Variants in KCND2 observed in about 807,000 individuals in gnomAD.
KCND2 encodes the protein A-type voltage-gated potassium channel KCND2.
A neutral mutation model predicts 54.4 loss-of-function variants in KCND2; 16 were observed. The ratio of observed to expected loss-of-function variants is 0.29; its 90% CI spans 0.20 to 0.45. The LOEUF is 0.45. KCND2 is among the 20% of genes least tolerant of loss of function. The pLI, the probability that KCND2 is intolerant of heterozygous loss-of-function variation, is 1.00. For synonymous variants in KCND2, 317 were observed against 310.7 expected (o/e 1.02, Z -0.21); for missense variants, 486 against 824.2 (o/e 0.59, Z 5.02).
At chr7:120,531,261 C>A (rs929971173) in intron 1 of KCND2, among the ~76,000 whole-genome samples, 4 of 152,052 alleles carry the variant, frequency 2.6e-5, no homozygotes, top group Non-Finnish European at 5.9e-5. Context: ...ATTTTTATAT[C>A]CCTTTAAAAA....
chr7:120,686,057 A>C (rs1792197181), intron 1 of KCND2, among the ~76,000 whole-genome samples: 1 of 152,202 alleles, frequency 6.6e-6, no homozygotes, highest in African/African-American at 2.4e-5. Context: ...AAAGAAAGGC[A>C]TTAATACTTA....
chr7:120,584,819 A>C (rs187738261), intron 1 of KCND2, among the ~76,000 whole-genome samples: 1 of 152,286 alleles, frequency 6.6e-6, no homozygotes, highest in East Asian at 1.9e-4. Flanking sequence ...TAAAGCAAAA[A>C]AAATCATAAA....
intron 1 of KCND2, among the ~76,000 whole-genome samples, chr7:120,461,648 T>A (rs1227361497): frequency 6.6e-6 from 1 of 152,184 alleles, no homozygotes; most frequent in Non-Finnish European, 1.5e-5. Flanking sequence ...CAGGGTTTTC[T>A]AAGAGGTTCA....
At chr7:120,712,004 A>G (rs1792544536) in intron 1 of KCND2, among the ~76,000 whole-genome samples, 1 of 152,048 alleles carries the variant, frequency 6.6e-6, no homozygotes, top group Non-Finnish European at 1.5e-5. Context: ...TTCATTCAAT[A>G]GTTGATGTCT....
At chr7:120,734,297 A>G (rs1222156297) in intron 2 of KCND2, among the ~76,000 whole-genome samples, 1 of 152,148 alleles carries the variant, frequency 6.6e-6, no homozygotes, top group Non-Finnish European at 1.5e-5. Flanking sequence ...CTATGCATAG[A>G]GAAACCTTTA....
intron 1 of KCND2, among the ~76,000 whole-genome samples, chr7:120,525,072 A>G (rs1791756637): frequency 6.6e-6 from 1 of 152,160 alleles, no homozygotes; most frequent in Non-Finnish European, 1.5e-5. Context: ...TAGCCTAAAT[A>G]ACTTCTGCCT....
intron 1 of KCND2, among the ~76,000 whole-genome samples, chr7:120,715,588 G>C (rs1419768659): frequency 1.3e-5 from 2 of 151,978 alleles, no homozygotes; most frequent in African/African-American, 4.8e-5. Flanking sequence ...CAGAATTACT[G>C]TTACTGCAAA....
intron 1 of KCND2, among the ~76,000 whole-genome samples, chr7:120,292,777 A>G (rs758420380): frequency 6.6e-6 from 1 of 151,920 alleles, no homozygotes; most frequent in Non-Finnish European, 1.5e-5. Context: ...CATCCTTTCC[A>G]GGGTGATACT....
chr7:120,434,220 A>G (rs947774153), intron 1 of KCND2, among the ~76,000 whole-genome samples: 1 of 152,216 alleles, frequency 6.6e-6, no homozygotes, highest in African/African-American at 2.4e-5. Flanking sequence ...AAGCGTGGTT[A>G]TGAGGCCAAA....
At chr7:120,544,394 G>A (rs551800853) in intron 1 of KCND2, among the ~76,000 whole-genome samples, 32 of 152,006 alleles carry the variant, frequency 2.1e-4, no homozygotes, top group Non-Finnish European at 3.5e-4. Context: ...TGTACTCTAA[G>A]ATTTTATTTC....
At chr7:120,561,222 A>G (rs1792228479) in intron 1 of KCND2, among the ~76,000 whole-genome samples, 1 of 152,182 alleles carries the variant, frequency 6.6e-6, no homozygotes, top group Non-Finnish European at 1.5e-5. Flanking sequence ...TCAGCACTGC[A>G]AATAAAGAAG....
chr7:120,690,161 A>G (rs765132407), intron 1 of KCND2, among the ~76,000 whole-genome samples: 2 of 152,204 alleles, frequency 1.3e-5, no homozygotes, highest in Non-Finnish European at 2.9e-5. Context: ...TGGTTAAATG[A>G]CAAGCATTCA....
chr7:120,357,281 A>T lies in KCND2; in HGVS notation c.1115+81534A>T, dbSNP rs375353203. ...TTAAATGATGAAACTGAAGACCAAT[A>T]TATACAGTTACTAATTGAAGGAGCC... On this transcript the variant is annotated intron_variant, in intron 1 of 5. Coordinates refer to ENST00000331113, the MANE Select transcript of KCND2 (RefSeq NM_012281.3). Among the ~76,000 whole-genome samples the T allele has an allele frequency of 1.1e-4, 16 of 152,268 alleles. 1 individual carries two copies. In the South Asian group the frequency reaches 2.1e-3, roughly 20 times the overall value.
chr7:120,324,804 A>C (rs1201149187), intron 1 of KCND2, among the ~76,000 whole-genome samples: 2 of 151,584 alleles, frequency 1.3e-5, no homozygotes, highest in Non-Finnish European at 2.9e-5. Flanking sequence ...GTTCCATATG[A>C]ACTTTAAAGT....
chr7:120,696,723 T>C (rs1317816902), intron 1 of KCND2, among the ~76,000 whole-genome samples: 1 of 152,218 alleles, frequency 6.6e-6, no homozygotes, highest in African/African-American at 2.4e-5. Flanking sequence ...ACTTGCTCTC[T>C]TGCTCTTGCG....
chr7:120,455,598 G>C (rs1249757824), intron 1 of KCND2, among the ~76,000 whole-genome samples: 1 of 152,064 alleles, frequency 6.6e-6, no homozygotes, highest in African/African-American at 2.4e-5. Context: ...CTCATCAATG[G>C]TATACTGGAT....
At chr7:120,494,709 T>A (rs80276053) in intron 1 of KCND2, among the ~76,000 whole-genome samples, 1 of 152,210 alleles carries the variant, frequency 6.6e-6, no homozygotes, top group African/African-American at 2.4e-5. Flanking sequence ...CTAATGCAAT[T>A]CAAATTCTAC....
intron 1 of KCND2, among the ~76,000 whole-genome samples, chr7:120,328,499 C>T (rs1300437149): frequency 6.6e-6 from 1 of 152,134 alleles, no homozygotes; most frequent in Non-Finnish European, 1.5e-5. Context: ...CCAGGATAAT[C>T]TCTTTCCCAT....
At chr7:120,429,681 C>T (rs896634758) in intron 1 of KCND2, among the ~76,000 whole-genome samples, 8 of 152,152 alleles carry the variant, frequency 5.3e-5, no homozygotes, top group African/African-American at 1.9e-4. Context: ...ATTTGACAGA[C>T]ATGTCAATAT....
Sources: allele counts gnomAD v4.1 joint callset (sites outside exome capture counted in the v4.1 genomes callset), GRCh38; gene constraint gnomAD v4.1.1; transcripts MANE v1.5; gene names NCBI Gene and HGNC (gene_info 2026-07-23, HGNC 2026-07-21).